SMOC1: variants seen among roughly 807,000 people sequenced by gnomAD.
SMOC1 encodes SPARC-related modular calcium-binding protein 1.
In SMOC1, 22 loss-of-function variants were observed where a neutral mutation model predicts 56.3. That is an observed-to-expected ratio of 0.39 (90% confidence interval 0.28 to 0.56). The LOEUF (loss-of-function observed/expected upper bound fraction) is 0.56. Ranked by LOEUF, SMOC1 falls within the 20% of genes least tolerant of loss-of-function variation. The probability of loss-of-function intolerance (pLI) is 0.61; values close to 1 mark genes in which losing one functional copy is unlikely to be tolerated. For synonymous variants in SMOC1, 193 were observed against 215.0 expected (o/e 0.90, Z 0.89); for missense variants, 509 against 565.4 (o/e 0.90, Z 1.01).
chr14:69,948,789 AC>A (rs1882887712), intron 1 of SMOC1, among the ~76,000 whole-genome samples: 1 of 152,084 alleles, frequency 6.6e-6, no homozygotes, highest in Admixed American at 6.5e-5. Context: ...TCTTCACACC[AC>A]CCTATGAGGC....
intron 1 of SMOC1, among the ~76,000 whole-genome samples, chr14:69,892,432 C>A (rs1034122167): frequency 6.6e-6 from 1 of 152,160 alleles, no homozygotes; most frequent in Non-Finnish European, 1.5e-5. Flanking sequence ...TTATTTAAAA[C>A]GTGTTGGTAA....
At chr14:70,005,633 T>G (rs2139575963) in intron 7 of SMOC1, among the ~76,000 whole-genome samples, 1 of 152,300 alleles carries the variant, frequency 6.6e-6, no homozygotes, top group Admixed American at 6.5e-5. Flanking sequence ...CTTGGATGTT[T>G]TTTCTATTGT....
At chr14:69,921,241 C>T (rs1884833396) in intron 1 of SMOC1, among the ~76,000 whole-genome samples, 1 of 152,208 alleles carries the variant, frequency 6.6e-6, no homozygotes, top group Non-Finnish European at 1.5e-5. Context: ...AGACTTCTGC[C>T]TTGGTCATTA....
At chr14:69,920,478 A>G (rs1452123667) in intron 1 of SMOC1, among the ~76,000 whole-genome samples, 1 of 152,200 alleles carries the variant, frequency 6.6e-6, no homozygotes, top group African/African-American at 2.4e-5. Context: ...ATACATCTCA[A>G]CAGGTTCCTG....
intron 1 of SMOC1, among the ~76,000 whole-genome samples, chr14:69,904,668 A>G (rs886200365): frequency 1.3e-5 from 2 of 152,226 alleles, no homozygotes; most frequent in Non-Finnish European, 2.9e-5. Context: ...GTGCAATAGC[A>G]TGGGCCCTGG....
At chr14:69,935,647 C>T (rs1885276510) in intron 1 of SMOC1, among the ~76,000 whole-genome samples, 1 of 152,180 alleles carries the variant, frequency 6.6e-6, no homozygotes, top group Non-Finnish European at 1.5e-5. Context: ...GAAGAACCTC[C>T]TCCAAGGAGC....
intron 5 of SMOC1, among the ~76,000 whole-genome samples, chr14:69,989,855 G>A (rs576269623): frequency 2.0e-5 from 3 of 152,326 alleles, no homozygotes; most frequent in South Asian, 2.1e-4. Flanking sequence ...TTATTTGCTG[G>A]GTCAGAAGCC....
chr14:69,923,275 A>G (rs936015749), intron 1 of SMOC1, among the ~76,000 whole-genome samples: 1 of 152,128 alleles, frequency 6.6e-6, no homozygotes, highest in Non-Finnish European at 1.5e-5. Flanking sequence ...CCTCCATACA[A>G]GCTCCCTCCC....
At chr14:69,998,029 G>A (rs983684387) in intron 7 of SMOC1, among the ~76,000 whole-genome samples, 3 of 152,102 alleles carry the variant, frequency 2.0e-5, no homozygotes, top group African/African-American at 7.2e-5. Flanking sequence ...TCTGGCCTGG[G>A]GATTGTTGAT....
chr14:69,944,198 G>A (rs531044738), intron 1 of SMOC1, among the ~76,000 whole-genome samples: 2 of 152,316 alleles, frequency 1.3e-5, no homozygotes, highest in African/African-American at 2.4e-5. Context: ...TAAATGATGG[G>A]CCATTTTAAT....
intron 3 of SMOC1, among the ~76,000 whole-genome samples, chr14:69,961,514 G>T (rs1384768303): frequency 6.6e-6 from 1 of 151,476 alleles, no homozygotes; most frequent in Non-Finnish European, 1.5e-5. Flanking sequence ...CTGAGTAGCT[G>T]GGACCACAGG....
intron 1 of SMOC1, among the ~76,000 whole-genome samples, chr14:69,883,314 C>A (rs1397442571): frequency 1.3e-5 from 2 of 152,158 alleles, no homozygotes; most frequent in Non-Finnish European, 2.9e-5. Flanking sequence ...CCTCTGGTAA[C>A]CACTGTTCTA....
At chr14:69,979,017 C>T (rs1884079272) in intron 5 of SMOC1, among the ~76,000 whole-genome samples, 1 of 151,760 alleles carries the variant, frequency 6.6e-6, no homozygotes, top group Non-Finnish European at 1.5e-5. Flanking sequence ...GCAGCCTCTC[C>T]AGGACTCCCA....
At chr14:69,969,010 G>C (rs1224815771) in intron 3 of SMOC1, among the ~76,000 whole-genome samples, 1 of 152,202 alleles carries the variant, frequency 6.6e-6, no homozygotes, top group Non-Finnish European at 1.5e-5. Flanking sequence ...TACATAGCTT[G>C]ACAAAGCATT....
At chr14:70,002,150 C>T (rs984484656) in intron 7 of SMOC1, among the ~76,000 whole-genome samples, 2 of 152,170 alleles carry the variant, frequency 1.3e-5, no homozygotes, top group Non-Finnish European at 1.5e-5. Flanking sequence ...CAGTTCTTCT[C>T]TTGGCCAGTG....
chr14:69,942,943 A>G (rs1289574457), intron 1 of SMOC1, among the ~76,000 whole-genome samples: 1 of 151,880 alleles, frequency 6.6e-6, no homozygotes, highest in Non-Finnish European at 1.5e-5. Flanking sequence ...CTTCCTACAC[A>G]GTGGCACCTG....
At chr14:69,935,345 T>C (rs897964342) in intron 1 of SMOC1, among the ~76,000 whole-genome samples, 2 of 152,220 alleles carry the variant, frequency 1.3e-5, no homozygotes, top group African/African-American at 4.8e-5. Flanking sequence ...GAAAATTGTC[T>C]TTTTCTGCTT....
intron 1 of SMOC1, among the ~76,000 whole-genome samples, chr14:69,944,039 C>T (rs746506322): frequency 1.3e-5 from 2 of 152,202 alleles, no homozygotes; most frequent in Non-Finnish European, 2.9e-5. Flanking sequence ...TGCCCAGCCT[C>T]GGTTTTCTCC....
chr14:69,914,577 GAAACAAACAAAC>G (rs35586375), intron 1 of SMOC1, among the ~76,000 whole-genome samples: 3 of 151,160 alleles, frequency 2.0e-5, no homozygotes, highest in Admixed American at 6.6e-5. Context: ...CAGTAGGAAG[GAAACAAACAAAC>G]AAACAAACAA....
Sources: allele counts gnomAD v4.1 joint callset (sites outside exome capture counted in the v4.1 genomes callset), GRCh38; gene constraint gnomAD v4.1.1; transcripts MANE v1.5; gene names NCBI Gene and HGNC (gene_info 2026-07-23, HGNC 2026-07-21).